The following KIAA1671 variants were observed in gnomAD, a reference collection of about 807,000 sequenced individuals.
The protein encoded by KIAA1671 is KIAA1671, also known as uncharacterized protein KIAA1671.
Under a neutral mutation model 131.2 loss-of-function variants are expected in KIAA1671, and 52 were observed. The observed-to-expected ratio is 0.40, with a 90% CI of 0.32 to 0.50. The LOEUF (loss-of-function observed/expected upper bound fraction) is 0.50. Ranked by LOEUF, KIAA1671 falls within the 20% of genes least tolerant of loss-of-function variation. The probability of loss-of-function intolerance (pLI) is 0.73; values close to 1 mark genes in which losing one functional copy is unlikely to be tolerated. For missense variants in KIAA1671, 2,360 were observed against 2,364.2 expected, an observed-to-expected ratio of 1.00 and a Z score of 0.04; for synonymous variants, 1,003 against 961.6, an observed-to-expected ratio of 1.04 and a Z score of -0.80.
intron 6 of KIAA1671, among the ~76,000 whole-genome samples, chr22:25,094,756 TG>T (rs768876480): frequency 2.8e-4 from 42 of 152,176 alleles, no homozygotes; most frequent in Non-Finnish European, 5.9e-4. Context: ...CGTCTGAGCC[TG>T]GCCCCAGGAG....
intron 6 of KIAA1671, chr22:25,065,284 A>G (rs1928406516): frequency 6.6e-6 from 1 of 152,222 alleles, no homozygotes; most frequent in Non-Finnish European, 1.5e-5. Context: ...AGGGCCTGGC[A>G]TACAGTAGGC....
Position 25,109,385 on chromosome 22 carries a change from G to A in KIAA1671, c.4530+60021G>A, listed in dbSNP as rs181352776. Among the ~76,000 whole-genome samples, 305 of 152,262 alleles carry A rather than the reference G, an allele frequency of 2.0e-3. 1 individual carries two copies. The highest frequency in any genetic ancestry group is 6.5e-3 in the African/African-American group (272 of 41,554). On this transcript the variant is annotated intron_variant, in intron 6 of 12. Transcript: ENST00000358431. ...GGCCTCCCAAAGTGCTGGGATTACA[G>A]ACATGAGCCGCCGCACCTGGCCCAT... is the stretch of plus-strand genomic sequence containing the variant.
intron 1 of KIAA1671, among the ~76,000 whole-genome samples, chr22:25,018,596 C>A (rs1210452459): frequency 6.6e-6 from 1 of 152,084 alleles, no homozygotes; most frequent in Non-Finnish European, 1.5e-5. Flanking sequence ...CACCATTGTA[C>A]TTTCTGTCTT....
intron 6 of KIAA1671, among the ~76,000 whole-genome samples, chr22:25,099,476 T>C (rs974414495): frequency 3.3e-5 from 5 of 150,424 alleles, no homozygotes; most frequent in Non-Finnish European, 7.4e-5. Flanking sequence ...TTTGGATGAG[T>C]GTTGATTTAG....
At position 25,007,616 on chromosome 22, in the gene KIAA1671, C is replaced by T. The variant is rs529989116; in HGVS notation, c.-207-18017C>T. Among the ~76,000 whole-genome samples, 3 of 152,248 alleles carry T rather than the reference C, an allele frequency of 2.0e-5. No individual in the cohort carries two copies. In the South Asian group the frequency reaches 6.2e-4, roughly 32 times the overall value. Reference sequence around the variant, plus strand: ...AAACAGGGAAGAGGTGACAGACCCTCTCCATAAGACATGTCCACCAGTGCC... The same window carrying T: ...AAACAGGGAAGAGGTGACAGACCCTTTCCATAAGACATGTCCACCAGTGCC... On this transcript the variant is annotated intron_variant, in intron 1 of 12. Coordinates refer to ENST00000358431, the MANE Select transcript of KIAA1671 (RefSeq NM_001145206.2).
chr22:25,017,265 C>T (rs1925380637), intron 1 of KIAA1671, among the ~76,000 whole-genome samples: 1 of 152,158 alleles, frequency 6.6e-6, no homozygotes, highest in Admixed American at 6.5e-5. Flanking sequence ...CGCCTGTAGT[C>T]CCAGCTACCC....
intron 4 of KIAA1671, among the ~76,000 whole-genome samples, chr22:25,036,292 C>T (rs1254495665): frequency 6.6e-6 from 1 of 151,894 alleles, no homozygotes; most frequent in Non-Finnish European, 1.5e-5. Flanking sequence ...GTTGGTCAGG[C>T]TGGTCTCGAA....
At chr22:24,957,606 G>C (rs1921778844) in intron 1 of KIAA1671, among the ~76,000 whole-genome samples, 1 of 151,498 alleles carries the variant, frequency 6.6e-6, no homozygotes, top group Admixed American at 6.6e-5. Context: ...GGAGAATGTA[G>C]GTAAAGCACA....
In KIAA1671 at chr22:25,028,997, C is replaced by T. The variant is rs1419984896; in HGVS notation, c.998C>T (p.Ala333Val). 36 of 1,513,860 alleles carry T rather than the reference C, an allele frequency of 2.4e-5. No homozygotes were observed. The East Asian group carries it at 3.9e-4, about 17-fold the overall frequency. 93.8% of individuals were successfully genotyped at this position (1,513,860 alleles called of 1,614,324 possible). A position where few individuals can be genotyped will look rare whatever the true frequency, so the allele number is the denominator to read the frequency against. The change falls in exon 3 of 13, where the codon GCG becomes GTG. Residue 333 changes from alanine to valine, a missense_variant. Physicochemically the swap from Ala to Val is moderately conservative, Grantham distance 64. Transcript: ENST00000358431. ...CTGGACAGGGACTGTTTGGTCAAGG[C>T]GGAGGCTCCTCTTCATGATCCTGAT... ...SKLDRDCLVK[A>V]EAPLHDPDLD... is the part of the protein sequence containing the mutation.
At chr22:25,027,829 G>A (rs1926033377) in intron 2 of KIAA1671, 116 bp from the exon 3 acceptor site, 3 of 562,508 alleles carry the variant, frequency 5.3e-6, no homozygotes, top group Non-Finnish European at 9.1e-6. Context: ...TCAGCAGAGG[G>A]CTGTCGTATG....
intron 6 of KIAA1671, among the ~76,000 whole-genome samples, chr22:25,103,145 G>T (rs1346245195): frequency 6.6e-6 from 1 of 152,012 alleles, no homozygotes; most frequent in African/African-American, 2.4e-5. Flanking sequence ...GATCAGACAG[G>T]TCTGGGTTCA....
At position 24,985,465 on chromosome 22, in the gene KIAA1671, G is replaced by A. The variant is rs375252949; in HGVS notation, c.-208+32693G>A. ...CGCCATTCTCCTGCCTCAGCCTCCCGAGTAGCTGGGACTACAGGCGCCCGC... is the reference window on the plus strand; with the variant it reads ...CGCCATTCTCCTGCCTCAGCCTCCCAAGTAGCTGGGACTACAGGCGCCCGC... On this transcript the variant is annotated intron_variant, in intron 1 of 12. Transcript: ENST00000358431. 6.8e-4 allele frequency among the ~76,000 whole-genome samples: 103 copies of A among 151,682 alleles called. 1 individual carries two copies. In the Middle Eastern group the frequency reaches 0.027, roughly 40 times the overall value.
intron 6 of KIAA1671, among the ~76,000 whole-genome samples, chr22:25,085,624 ATGATGC>A (rs1304395053): frequency 6.6e-6 from 1 of 151,896 alleles, no homozygotes; most frequent in Non-Finnish European, 1.5e-5. Context: ...CAGGAACCAA[ATGATGC>A]TCACCCTGTG....
intron 6 of KIAA1671, among the ~76,000 whole-genome samples, chr22:25,085,097 G>T (rs1483052181): frequency 2.0e-5 from 3 of 152,244 alleles, no homozygotes; most frequent in African/African-American, 4.8e-5. Context: ...GAGTGGCAGA[G>T]AATGTGTAGC....
intron 6 of KIAA1671, among the ~76,000 whole-genome samples, chr22:25,067,864 G>A (rs192297298): frequency 1.1e-3 from 162 of 152,366 alleles, no homozygotes; most frequent in African/African-American, 3.7e-3. Flanking sequence ...AGCCGCGAGC[G>A]CTGCATGCCC....
rs1380288311 is a variant in KIAA1671, at chr22:25,021,843, G to C, written c.-207-3790G>C. On this transcript the variant is annotated intron_variant, in intron 1 of 12. Coordinates refer to ENST00000358431, the MANE Select transcript of KIAA1671 (RefSeq NM_001145206.2). The stretch of plus-strand genomic sequence containing the variant: ...GCTCTGTTGCCCAGGCTGGAGTGCA[G>C]TGGTGCGATCTCAGCTCCCTGCAAG... Among the ~76,000 whole-genome samples, 14 of 151,712 alleles carry C rather than the reference G, an allele frequency of 9.2e-5. No homozygotes were observed. In the East Asian group the frequency reaches 2.5e-3, roughly 27 times the overall value.
At chr22:25,060,858 A>C (rs539619087) in intron 6 of KIAA1671, 1 of 152,326 alleles carries the variant, frequency 6.6e-6, no homozygotes, top group South Asian at 2.1e-4. Flanking sequence ...GCCGTTTTAC[A>C]TTCGGGCCTC....
chr22:25,015,834 C>T (rs2123882733), intron 1 of KIAA1671, among the ~76,000 whole-genome samples: 1 of 121,624 alleles, frequency 8.2e-6, no homozygotes, highest in African/African-American at 3.0e-5. Context: ...AGATGTACCG[C>T]ACTCTGATGG....
chr22:24,964,918 C>CT (rs1922215029), intron 1 of KIAA1671, among the ~76,000 whole-genome samples: 1 of 151,912 alleles, frequency 6.6e-6, no homozygotes, highest in African/African-American at 2.4e-5. Context: ...TGGGCAGAGC[C>CT]GAAAAATCCT....
Sources: gnomAD v4.1 joint callset for allele counts (sites outside exome capture counted in the v4.1 genomes callset) on GRCh38, gnomAD v4.1.1 for gene constraint, MANE v1.5 for transcripts, NCBI Gene and HGNC (gene_info 2026-07-23, HGNC 2026-07-21) for gene names.